ARHGEF3: variants seen among roughly 807,000 people sequenced by gnomAD.
ARHGEF3 encodes the protein Rho guanine nucleotide exchange factor 3, also known as 59.8 kDA protein.
In ARHGEF3, 28 loss-of-function variants were observed where a neutral mutation model predicts 63.2. That is an observed-to-expected ratio of 0.44 (90% CI 0.33 to 0.61). ARHGEF3 has a LOEUF of 0.61. ARHGEF3 is among the 20% of genes least tolerant of loss of function. The pLI is 0.03. For synonymous variants in ARHGEF3, 266 were observed against 254.2 expected (o/e 1.05, Z -0.44); for missense variants, 533 against 659.3 (o/e 0.81, Z 2.10).
chr3:56,757,302 G>A (rs1184346386), intron 2 of ARHGEF3, among the ~76,000 whole-genome samples: 2 of 152,082 alleles, frequency 1.3e-5, no homozygotes, highest in African/African-American at 4.8e-5. Flanking sequence ...GTGAAACCCC[G>A]TCTCTACTAA....
At chr3:57,002,476 ATGTTATATATATATATATATGT>A (rs771807524) in intron 2 of ARHGEF3, among the ~76,000 whole-genome samples, 1,325 of 35,270 alleles carry the variant, frequency 0.038, 160 homozygotes, top group Admixed American at 0.15. Flanking sequence ...ATATATATAT[ATGTTATATATATATATATATGT>A]TATATATATA....
At chr3:56,792,429 T>C (rs1169374189) in intron 1 of ARHGEF3, among the ~76,000 whole-genome samples, 1 of 152,204 alleles carries the variant, frequency 6.6e-6, no homozygotes, top group East Asian at 1.9e-4. Context: ...CATGGAGCTA[T>C]TGCTCTATTG....
chr3:57,069,402 C>A (rs2107390404), intron 1 of ARHGEF3, among the ~76,000 whole-genome samples: 1 of 152,022 alleles, frequency 6.6e-6, no homozygotes, highest in Non-Finnish European at 1.5e-5. Flanking sequence ...CACACACACA[C>A]ACACACACAT....
Position 56,902,281 on chromosome 3 carries a change from C to A in ARHGEF3, c.130-19927G>T, listed in dbSNP as rs527851033. On this transcript the variant is annotated intron_variant, in intron 3 of 12. Transcript: ENST00000338458. ...TTAGAAACAGATTTTAGAGAGTAAGCAAACTTACAAATATGAAATCATAAG... is the reference window on the plus strand; with the variant it reads ...TTAGAAACAGATTTTAGAGAGTAAGAAAACTTACAAATATGAAATCATAAG... 3.3e-4 allele frequency among the ~76,000 whole-genome samples: 51 copies of A among 152,304 alleles called. 1 individual carries two copies. In the South Asian group the frequency reaches 0.011, roughly 32 times the overall value.
intron 1 of ARHGEF3, among the ~76,000 whole-genome samples, chr3:57,037,504 G>A (rs1298919571): frequency 6.6e-6 from 1 of 152,230 alleles, no homozygotes; most frequent in African/African-American, 2.4e-5. Flanking sequence ...GGGGCCACTG[G>A]CTAGTTCTAG....
At chr3:56,815,562 C>CTTTT (rs2038237989) in intron 4 of ARHGEF3, among the ~76,000 whole-genome samples, 1 of 152,104 alleles carries the variant, frequency 6.6e-6, no homozygotes, top group Non-Finnish European at 1.5e-5. Flanking sequence ...CTTTTAATAT[C>CTTTT]AAATGGCAAA....
rs552691534 is a variant in ARHGEF3, at chr3:57,055,524, CTTCT to C, written c.-27-20352_-27-20349del. On this transcript the variant is annotated intron_variant, in intron 1 of 12. Coordinates refer to the ARHGEF3 transcript ENST00000338458. ...CCTAGCCTCATCTCATGTAGAAATTCTTCTTTATTATCTTCTAGAAACTCCATTG... is the reference window on the plus strand; with the variant it reads ...CCTAGCCTCATCTCATGTAGAAATTCTTATTATCTTCTAGAAACTCCATTG... Among the ~76,000 whole-genome samples the C allele has an allele frequency of 8.6e-4, 131 of 152,174 alleles. 1 individual carries two copies. The highest frequency in any genetic ancestry group is 3.0e-3 in the African/African-American group (126 of 41,550).
intron 3 of ARHGEF3, among the ~76,000 whole-genome samples, chr3:56,953,996 C>T (rs554563685): frequency 2.6e-5 from 4 of 152,284 alleles, no homozygotes; most frequent in African/African-American, 9.6e-5. Context: ...TATACAAGGT[C>T]TCATTTTCTT....
intron 1 of ARHGEF3, among the ~76,000 whole-genome samples, chr3:57,056,794 T>A (rs1268060716): frequency 2.0e-5 from 3 of 152,112 alleles, no homozygotes; most frequent in African/African-American, 7.2e-5. Context: ...AGGTCCTCTA[T>A]GAGGTTGATG....
chr3:56,820,160 G>A (rs2038425920), intron 4 of ARHGEF3, among the ~76,000 whole-genome samples: 1 of 152,124 alleles, frequency 6.6e-6, no homozygotes, highest in Non-Finnish European at 1.5e-5. Flanking sequence ...TGACCTACCA[G>A]TTTAATGGTC....
At chr3:56,764,048 A>C (rs2035568353) in intron 2 of ARHGEF3, among the ~76,000 whole-genome samples, 1 of 145,592 alleles carries the variant, frequency 6.9e-6, no homozygotes, top group Non-Finnish European at 1.6e-5. Flanking sequence ...ATTCAGATTG[A>C]TGCACATTAA....
intron 4 of ARHGEF3, among the ~76,000 whole-genome samples, chr3:56,839,506 T>C (rs1286561239): frequency 6.6e-6 from 1 of 152,238 alleles, no homozygotes; most frequent in Non-Finnish European, 1.5e-5. Context: ...CACTGTGTTA[T>C]GTAAGATGTT....
At chr3:56,783,398 A>T (rs1300815256) in intron 1 of ARHGEF3, among the ~76,000 whole-genome samples, 1 of 152,156 alleles carries the variant, frequency 6.6e-6, no homozygotes, top group Non-Finnish European at 1.5e-5. Context: ...CACCCGGGAG[A>T]AGCAATTAAT....
At chr3:56,763,456 T>C (rs1578444332) in intron 2 of ARHGEF3, among the ~76,000 whole-genome samples, 1 of 152,294 alleles carries the variant, frequency 6.6e-6, no homozygotes, top group Middle Eastern at 3.4e-3. Flanking sequence ...AGGACACTGT[T>C]GTTTATAAAA....
intron 4 of ARHGEF3, among the ~76,000 whole-genome samples, chr3:56,829,627 C>CTT (rs1402047262): frequency 6.6e-6 from 1 of 152,178 alleles, no homozygotes; most frequent in African/African-American, 2.4e-5. Flanking sequence ...CTGAAGCAAG[C>CTT]ACAGAACCTT....
chr3:56,729,129 G>C lies in ARHGEF3; in HGVS notation c.*141C>G, dbSNP rs2032920121. On this transcript the variant is annotated 3_prime_UTR_variant, in exon 10 of 10. Transcript: ENST00000296315. ...TGGCAGTTACAGTACTAGGGACAAA[G>C]GTACAGATACGAGAGACTGGGCCAA... The C allele has an allele frequency of 1.4e-6, 1 of 704,334 alleles. No homozygotes were observed. The highest frequency in any genetic ancestry group is 1.8e-5 in the African/African-American group (1 of 55,276). 43.6% of individuals were successfully genotyped at this position (704,334 alleles called of 1,614,324 possible).
Position 56,930,281 on chromosome 3 carries a change from C to G in ARHGEF3, c.129+28542G>C, listed in dbSNP as rs534846019. On this transcript the variant is annotated intron_variant, in intron 3 of 12. Coordinates refer to the ARHGEF3 transcript ENST00000338458. ...ACCCTGCCAGGCCAGCAGAAACGAA[C>G]CCGGTGGCTGTAAGCAACAATAGTT... Among the ~76,000 whole-genome samples the G allele has an allele frequency of 5.3e-5, 8 of 152,210 alleles. No individual in the cohort carries two copies. In the South Asian group the frequency reaches 1.7e-3, roughly 32 times the overall value.
intron 1 of ARHGEF3, chr3:57,074,068 C>T (rs1477535618): frequency 6.2e-7 from 1 of 1,613,866 alleles, no homozygotes; most frequent in African/African-American, 1.3e-5. Context: ...ATTCATAACT[C>T]TACACCTCAA....
intron 4 of ARHGEF3, among the ~76,000 whole-genome samples, chr3:56,806,957 C>T (rs1298611627): frequency 3.3e-5 from 5 of 151,606 alleles, no homozygotes; most frequent in African/African-American, 4.9e-5. Flanking sequence ...TGATCTTGCT[C>T]ACTGCAACCT....
Sources: allele counts gnomAD v4.1 joint callset (sites outside exome capture counted in the v4.1 genomes callset), GRCh38; gene constraint gnomAD v4.1.1; transcripts MANE v1.5; gene names NCBI Gene and HGNC (gene_info 2026-07-23, HGNC 2026-07-21).